The following TENT4B variants were observed in gnomAD, a reference collection of about 807,000 sequenced individuals.
TENT4B encodes the protein terminal nucleotidyltransferase 4B.
Under a neutral mutation model 75.0 loss-of-function variants are expected in TENT4B, and 10 were observed. The observed-to-expected ratio is 0.13, with a 90% CI of 0.08 to 0.23. The LOEUF is 0.23. Among genes scored for constraint, TENT4B ranks in the 10% least tolerant of loss-of-function variants. TENT4B has a pLI of 1.00. For missense variants in TENT4B, 579 were observed against 893.8 expected (o/e 0.65, Z 4.49); for synonymous variants, 350 against 357.7 (o/e 0.98, Z 0.24).
At chr16:50,173,591 T>G (rs1170776595) in intron 1 of TENT4B, among the ~76,000 whole-genome samples, 1 of 152,216 alleles carries the variant, frequency 6.6e-6, no homozygotes, top group East Asian at 1.9e-4. Context: ...TGTTTTGGCT[T>G]TTCACCATTC....
chr16:50,219,194 G>A (rs1378470071), intron 5 of TENT4B, among the ~76,000 whole-genome samples: 1 of 152,148 alleles, frequency 6.6e-6, no homozygotes, highest in Non-Finnish European at 1.5e-5. Context: ...TAAAGAGACA[G>A]TGTAAAGTGA....
At chr16:50,162,302 A>G (rs2038017152) in intron 1 of TENT4B, among the ~76,000 whole-genome samples, 1 of 152,160 alleles carries the variant, frequency 6.6e-6, no homozygotes, top group Non-Finnish European at 1.5e-5. Context: ...GTGAATATAA[A>G]GTTTTCATTT....
intron 1 of TENT4B, among the ~76,000 whole-genome samples, chr16:50,203,319 A>G (rs1310451648): frequency 1.3e-5 from 2 of 152,134 alleles, no homozygotes; most frequent in Admixed American, 6.5e-5. Flanking sequence ...CTTGTCCACA[A>G]ATAGAGGAGA....
chr16:50,159,523 A>T (rs767081570), intron 1 of TENT4B, among the ~76,000 whole-genome samples: 1 of 152,016 alleles, frequency 6.6e-6, no homozygotes, highest in Non-Finnish European at 1.5e-5. Context: ...TACAGGCATG[A>T]GCCACCGCGC....
At chr16:50,225,392 C>T in intron 10 of TENT4B, 107 bp downstream of exon 10, 1 of 1,001,318 alleles carries the variant, frequency 1.0e-6, no homozygotes, top group Non-Finnish European at 1.4e-6. Context: ...TTACATGTTA[C>T]TGGGATATTT....
chr16:50,171,023 C>T (rs1185333532), intron 1 of TENT4B, among the ~76,000 whole-genome samples: 1 of 151,566 alleles, frequency 6.6e-6, no homozygotes, highest in Non-Finnish European at 1.5e-5. Context: ...TCCCAAACTC[C>T]AGGCCTCAAG....
Position 50,217,679 on chromosome 16 carries a change from G to C in TENT4B, c.1038+16G>C, listed in dbSNP as rs3887556. 7.0e-6 allele frequency: 10 copies of C among 1,435,680 alleles called. No individual in the cohort carries two copies. Among genetic ancestry groups the C allele is most frequent in the Non-Finnish European group, 9.4e-6 (10 of 1,063,326 alleles). The allele number at this position is 1,435,680 out of a possible 1,614,324, so 88.9% of individuals were successfully genotyped here. A position where few individuals can be genotyped will look rare whatever the true frequency, so the allele number is the denominator to read the frequency against. On this transcript the variant is annotated intron_variant, in intron 5 of 11. Transcript: ENST00000561678. ...TTTTACCAAGGTCAGAGAATTTAGC[G>C]TTTATACAACAAAACTATTAGAAAC...
chr16:50,212,629 G>A (rs752652785), intron 2 of TENT4B, among the ~76,000 whole-genome samples: 1 of 152,082 alleles, frequency 6.6e-6, no homozygotes, highest in Non-Finnish European at 1.5e-5. Flanking sequence ...AAAGGCAAGG[G>A]TACTAATGTT....
intron 1 of TENT4B, among the ~76,000 whole-genome samples, chr16:50,197,258 C>T (rs753436692): frequency 6.6e-6 from 1 of 152,120 alleles, no homozygotes; most frequent in Non-Finnish European, 1.5e-5. Flanking sequence ...AGACACTTCC[C>T]ATTTGTTAAA....
chr16:50,210,393 C>CA (rs764242325), intron 1 of TENT4B, among the ~76,000 whole-genome samples: 1 of 152,208 alleles, frequency 6.6e-6, no homozygotes, highest in Non-Finnish European at 1.5e-5. Flanking sequence ...CTTAGCCCCC[C>CA]ACCACCATGA....
At chr16:50,190,872 T>A (rs563846354) in intron 1 of TENT4B, among the ~76,000 whole-genome samples, 1 of 152,158 alleles carries the variant, frequency 6.6e-6, no homozygotes, top group East Asian at 1.9e-4. Context: ...CCTTCTCCCC[T>A]TCCTCCAGCC....
At chr16:50,187,917 G>T (rs2038564653) in intron 1 of TENT4B, among the ~76,000 whole-genome samples, 1 of 151,896 alleles carries the variant, frequency 6.6e-6, no homozygotes, top group Non-Finnish European at 1.5e-5. Flanking sequence ...ATTTAAACTT[G>T]TATGCATTCT....
At chr16:50,196,922 C>A (rs144109583) in intron 1 of TENT4B, among the ~76,000 whole-genome samples, 1 of 150,526 alleles carries the variant, frequency 6.6e-6, no homozygotes, top group African/African-American at 2.5e-5. Context: ...GGTAACAGAA[C>A]GAAACCCTGT....
In TENT4B at chr16:50,229,991, T is replaced by C; in HGVS notation, c.*663T>C. The C allele has an allele frequency of 1.0e-6, 1 of 968,820 alleles. No individual in the cohort carries two copies. Among genetic ancestry groups the C allele is most frequent in the Non-Finnish European group, 1.2e-6 (1 of 814,566 alleles). 60.0% of individuals were successfully genotyped at this position (968,820 alleles called of 1,614,324 possible). A position where few individuals can be genotyped will look rare whatever the true frequency, so the allele number is the denominator to read the frequency against. ...TTAACATCCATATATAGGGAAGTGATTAGTTCTATTACTCAATTTGTTTTT... is the reference window on the plus strand; with the variant it reads ...TTAACATCCATATATAGGGAAGTGACTAGTTCTATTACTCAATTTGTTTTT... On this transcript the variant is annotated 3_prime_UTR_variant, in exon 12 of 12. Coordinates refer to ENST00000561678, the MANE Select transcript of TENT4B (RefSeq NM_001365324.3).
At chr16:50,177,007 A>ATT (rs938478595) in intron 1 of TENT4B, among the ~76,000 whole-genome samples, 3 of 136,426 alleles carry the variant, frequency 2.2e-5, no homozygotes, top group African/African-American at 8.0e-5. Flanking sequence ...GGTAATATCT[A>ATT]TTTTTTTTTT....
chr16:50,152,982 G>A (rs1390543777), upstream of TENT4B: 3 of 1,514,890 alleles, frequency 2.0e-6, no homozygotes, highest in Non-Finnish European at 2.6e-6. Context: ...CAGCACCGGG[G>A]AAGCCGAGGC....
In TENT4B at chr16:50,230,543, G is replaced by A. The variant is rs1433457929; in HGVS notation, c.*1215G>A. On this transcript the variant is annotated 3_prime_UTR_variant, in exon 12 of 12. Transcript: ENST00000561678. Reference sequence around the variant, plus strand: ...TATTCCACTCTATGCTTTTGGTATTGTTGATCTTTACAAATTAAATGGTCT... The same window carrying A: ...TATTCCACTCTATGCTTTTGGTATTATTGATCTTTACAAATTAAATGGTCT... 6.1e-6 allele frequency: 6 copies of A among 977,040 alleles called. No individual in the cohort carries two copies. The highest frequency in any genetic ancestry group is 1.0e-3 in the Middle Eastern group (2 of 1,920). 60.5% of individuals were successfully genotyped at this position (977,040 alleles called of 1,614,324 possible).
chr16:50,208,038 C>T (rs1250255449), intron 1 of TENT4B, among the ~76,000 whole-genome samples: 2 of 152,192 alleles, frequency 1.3e-5, no homozygotes, highest in African/African-American at 4.8e-5. Flanking sequence ...TAGCTAGTTA[C>T]ATATAGGTGA....
intron 1 of TENT4B, among the ~76,000 whole-genome samples, chr16:50,166,401 T>C (rs2038101534): frequency 6.6e-6 from 1 of 152,212 alleles, no homozygotes; most frequent in Non-Finnish European, 1.5e-5. Flanking sequence ...TTCTTTATTA[T>C]CTGTCTTCTT....
Sources: gnomAD v4.1 joint callset for allele counts (sites outside exome capture counted in the v4.1 genomes callset) on GRCh38, gnomAD v4.1.1 for gene constraint, MANE v1.5 for transcripts, NCBI Gene and HGNC (gene_info 2026-07-23, HGNC 2026-07-21) for gene names.